PHC2: variants seen among roughly 807,000 people sequenced by gnomAD.
PHC2 encodes the protein polyhomeotic homolog 2.
In PHC2, 29 loss-of-function variants were observed where a neutral mutation model predicts 87.4. The observed-to-expected ratio is 0.33, with a 90% CI of 0.25 to 0.45. The LOEUF (loss-of-function observed/expected upper bound fraction) is 0.45. Among genes scored for constraint, PHC2 ranks in the 20% least tolerant of loss-of-function variants. The pLI is 1.00. For missense variants in PHC2, 857 were observed against 1,136.7 expected, an observed-to-expected ratio of 0.75 and a Z score of 3.54; for synonymous variants, 438 against 461.7, an observed-to-expected ratio of 0.95 and a Z score of 0.66.
In PHC2 at chr1:33,331,468, A is replaced by C; in HGVS notation, c.1892-6T>G. On this transcript the variant is annotated splice_polypyrimidine_tract_variant and splice_region_variant and intron_variant, in intron 11 of 14. Coordinates refer to ENST00000683057, the MANE Select transcript of PHC2 (RefSeq NM_001385109.1). The surrounding 1 kb of genome is among the most constrained non-coding windows in gnomAD (Gnocchi z 5.2). ...AGCACCCTCCTCTTTGGATTCTGAAAAGTATAGAAATGGGTAGGGTGGAGA... is the reference window on the plus strand; with the variant it reads ...AGCACCCTCCTCTTTGGATTCTGAACAGTATAGAAATGGGTAGGGTGGAGA... The C allele has an allele frequency of 6.5e-7, 1 of 1,536,376 alleles. No individual in the cohort carries two copies. Among genetic ancestry groups the C allele is most frequent in the Non-Finnish European group, 9.0e-7 (1 of 1,110,624 alleles).
chr1:33,331,762 C>T lies in PHC2; in HGVS notation c.1892-300G>A, dbSNP rs1646503186. On this transcript the variant is annotated intron_variant, in intron 11 of 14. Transcript: ENST00000683057. The surrounding 1 kb of genome is among the most constrained non-coding windows in gnomAD (Gnocchi z 5.2). ...ATGACTGTGGAAGAAAGCAGGAGCC[C>T]CCAGGAAATACTCTGGATGCTGTCA... is the stretch of plus-strand genomic sequence containing the variant. The T allele has an allele frequency of 3.0e-6, 1 of 336,628 alleles. No individual in the cohort carries two copies. Among genetic ancestry groups the T allele is most frequent in the Non-Finnish European group, 5.4e-6 (1 of 183,958 alleles). 20.9% of individuals were successfully genotyped at this position (336,628 alleles called of 1,614,324 possible).
Position 33,367,117 on chromosome 1 carries a change from T to C in PHC2, c.975A>G (p.Pro325=), listed in dbSNP as rs1411586669. Residue 325 remains proline (P), a splice_region_variant and synonymous_variant, in exon 7 of 15, where the codon CCA becomes CCG. Coordinates refer to ENST00000683057, the MANE Select transcript of PHC2 (RefSeq NM_001385109.1). ...PAVAAHPLIA[P]AYAQLQPHQL... ...ATTCCTGCTTCCTGAAGACCTTACC[T>C]GGTGCAATGAGGGGGTGGGCAGCCA... 1 of 1,602,188 alleles carries C rather than the reference T, an allele frequency of 6.2e-7. No homozygotes were observed. The highest frequency in any genetic ancestry group is 1.1e-5 in the South Asian group (1 of 90,184).
At chr1:33,358,752 C>A (rs1420010030) in intron 7 of PHC2, 3 of 152,100 alleles carry the variant, frequency 2.0e-5, no homozygotes, top group Admixed American at 2.0e-4. Context: ...TTTCTTTGAC[C>A]CAAGCAATCT....
At chr1:33,374,749 C>T (rs12723492) in intron 2 of PHC2, among the ~76,000 whole-genome samples, 1 of 152,042 alleles carries the variant, frequency 6.6e-6, no homozygotes, top group African/African-American at 2.4e-5. Flanking sequence ...ATTTTTTTGT[C>T]TTTACCTGAA....
chr1:33,333,869 C>T (rs1646562663), intron 10 of PHC2: 6 of 523,052 alleles, frequency 1.1e-5, no homozygotes, highest in Non-Finnish European at 2.0e-5. Context: ...AAACTTCTAA[C>T]CAAGGGTCTT....
At chr1:33,356,953 T>G (rs1448264899) in intron 7 of PHC2, among the ~76,000 whole-genome samples, 1 of 152,052 alleles carries the variant, frequency 6.6e-6, no homozygotes, top group Non-Finnish European at 1.5e-5. Context: ...GGGGCGAAAA[T>G]TCTTATATTT....
At chr1:33,336,262 T>C (rs1033235796) in intron 9 of PHC2, among the ~76,000 whole-genome samples, 3 of 152,106 alleles carry the variant, frequency 2.0e-5, no homozygotes, top group East Asian at 1.9e-4. Context: ...GTGCTGGGAT[T>C]ACAGGCATGA....
chr1:33,402,439 T>C (rs1649575710), intron 1 of PHC2, among the ~76,000 whole-genome samples: 1 of 152,198 alleles, frequency 6.6e-6, no homozygotes. Context: ...TTCTTATCTA[T>C]ACACCTATCT....
intron 9 of PHC2, among the ~76,000 whole-genome samples, chr1:33,350,638 C>T (rs1364600249): frequency 6.6e-6 from 1 of 152,270 alleles, no homozygotes; most frequent in Non-Finnish European, 1.5e-5. Flanking sequence ...CCATTCTTGA[C>T]TTCCCTCTGT....
Position 33,349,764 on chromosome 1 carries a change from G to T in PHC2, c.1558+4637C>A. 1 of 981,134 alleles carries T rather than the reference G, an allele frequency of 1.0e-6. No individual in the cohort carries two copies. Among genetic ancestry groups the T allele is most frequent in the African/African-American group, 1.8e-5 (1 of 56,662 alleles). The allele number at this position is 981,134 out of a possible 1,614,324, so 60.8% of individuals were successfully genotyped here. A position where few individuals can be genotyped will look rare whatever the true frequency, so the allele number is the denominator to read the frequency against. ...CGCATCCGACCGCACCGGCCTGGCC[G>T]GCGTCAACAAAGGGCGGCCGGGGCG... On this transcript the variant is annotated intron_variant, in intron 9 of 14. Transcript: ENST00000683057. This position sits in a 1 kb window ranked among gnomAD's most constrained non-coding sequence, Gnocchi z 4.2.
In PHC2 at chr1:33,406,844, C is replaced by A. The variant is rs185350906; in HGVS notation, c.-55+24132G>T. ...ATTAAGGAAAATTCTCTGCTACCATCTCTTCCAATATCCTCTGTCCCAAAA... is the reference window on the plus strand; with the variant it reads ...ATTAAGGAAAATTCTCTGCTACCATATCTTCCAATATCCTCTGTCCCAAAA... On this transcript the variant is annotated intron_variant, in intron 1 of 14. Transcript: ENST00000683057. Among the ~76,000 whole-genome samples the A allele has an allele frequency of 1.9e-3, 287 of 151,332 alleles. 1 individual carries two copies. The highest frequency in any genetic ancestry group is 6.8e-3 in the African/African-American group (275 of 40,706).
At chr1:33,411,728 T>C (rs1193296994) in intron 1 of PHC2, among the ~76,000 whole-genome samples, 1 of 152,072 alleles carries the variant, frequency 6.6e-6, no homozygotes, top group Non-Finnish European at 1.5e-5. Context: ...GCCCAGCTAA[T>C]TTTTTGTATT....
At chr1:33,377,372 C>T (rs1402296416) in intron 1 of PHC2, among the ~76,000 whole-genome samples, 1 of 152,100 alleles carries the variant, frequency 6.6e-6, no homozygotes, top group Non-Finnish European at 1.5e-5. Context: ...ATCTCCTATC[C>T]CAGTCAGTAA....
chr1:33,371,917 T>C (rs1647868550), intron 3 of PHC2, among the ~76,000 whole-genome samples: 1 of 152,250 alleles, frequency 6.6e-6, no homozygotes, highest in African/African-American at 2.4e-5. Context: ...AATGTGTTCT[T>C]CTCAGCTAAG....
intron 1 of PHC2, among the ~76,000 whole-genome samples, chr1:33,400,650 C>A (rs117473244): frequency 1.3e-5 from 2 of 152,318 alleles, no homozygotes; most frequent in East Asian, 3.9e-4. Context: ...CCGGGACAGG[C>A]AGTCTGGTTC....
chr1:33,344,124 G>A (rs1045166407), intron 9 of PHC2, among the ~76,000 whole-genome samples: 1 of 152,222 alleles, frequency 6.6e-6, no homozygotes, highest in Non-Finnish European at 1.5e-5. Context: ...TATGTAACTT[G>A]TAATGCCAGA....
intron 1 of PHC2, among the ~76,000 whole-genome samples, chr1:33,386,327 C>A (rs952751044): frequency 1.3e-5 from 2 of 151,234 alleles, no homozygotes; most frequent in African/African-American, 2.4e-5. Context: ...ACCAGCCTGG[C>A]CAACATAGTG....
chr1:33,423,997 G>A (rs1650562055), intron 1 of PHC2, among the ~76,000 whole-genome samples: 2 of 142,766 alleles, frequency 1.4e-5, no homozygotes, highest in African/African-American at 5.4e-5. Context: ...TCGGGAGGCT[G>A]AGGCAGGAGA....
intron 9 of PHC2, among the ~76,000 whole-genome samples, chr1:33,342,719 G>A (rs868442461): frequency 6.6e-6 from 1 of 152,226 alleles, no homozygotes; most frequent in African/African-American, 2.4e-5. Context: ...CAGGGAGTCA[G>A]GGAGGAGTTT....
Sources: allele counts gnomAD v4.1 joint callset (sites outside exome capture counted in the v4.1 genomes callset), GRCh38; gene constraint gnomAD v4.1.1; non-coding constraint Gnocchi (gnomAD v3.1); transcripts MANE v1.5; gene names NCBI Gene and HGNC (gene_info 2026-07-23, HGNC 2026-07-21).